EFTUD2: variants seen among roughly 807,000 people sequenced by gnomAD.
EFTUD2 encodes the protein 116 kDa U5 small nuclear ribonucleoprotein component.
Under a neutral mutation model 114.3 loss-of-function variants are expected in EFTUD2, and 9 were observed. The observed-to-expected ratio is 0.08, with a 90% CI of 0.05 to 0.14. The LOEUF (loss-of-function observed/expected upper bound fraction) is 0.14, where lower values mean the gene tolerates loss of function less well. Ranked by LOEUF, EFTUD2 falls within the 10% of genes least tolerant of loss-of-function variation. The pLI is 1.00. For synonymous variants in EFTUD2, 449 were observed against 462.3 expected (o/e 0.97, Z 0.37); for missense variants, 765 against 1,241.2 (o/e 0.62, Z 5.76).
intron 2 of EFTUD2, chr17:44,892,021 A>G (rs2051288651): frequency 6.6e-6 from 1 of 152,118 alleles, no homozygotes; most frequent in East Asian, 1.9e-4. Context: ...CAGCCTCCCA[A>G]AGTGCTGGGA....
chr17:44,859,469 C>T (rs966404306), intron 18 of EFTUD2: 4 of 525,008 alleles, frequency 7.6e-6, no homozygotes, highest in African/African-American at 5.7e-5. Context: ...CATAAGCTAG[C>T]CCTTTAGCCC....
intron 2 of EFTUD2, among the ~76,000 whole-genome samples, chr17:44,888,096 G>A (rs1424464049): frequency 2.0e-5 from 3 of 152,200 alleles, no homozygotes; most frequent in African/African-American, 7.2e-5. Context: ...CTAGTCGGCT[G>A]GTGAAACAGC....
intron 3 of EFTUD2, among the ~76,000 whole-genome samples, chr17:44,885,909 A>G (rs1325444432): frequency 6.6e-6 from 1 of 151,678 alleles, no homozygotes; most frequent in Non-Finnish European, 1.5e-5. Flanking sequence ...GATTACAGGC[A>G]TGAGCCACCG....
intron 1 of EFTUD2, 144 bp from the exon 2 acceptor site, chr17:44,894,669 C>T: frequency 1.5e-6 from 1 of 645,488 alleles, no homozygotes; most frequent in South Asian, 1.8e-5. Flanking sequence ...CTACTGAATG[C>T]TCCTCCCAAA....
chr17:44,852,074 C>T (rs1245538736), intron 26 of EFTUD2, among the ~76,000 whole-genome samples: 6 of 152,026 alleles, frequency 3.9e-5, no homozygotes, highest in Non-Finnish European at 7.4e-5. Context: ...TGCACCACCA[C>T]GCCTAGCTAA....
At chr17:44,858,763 A>G (rs1214025491) in intron 19 of EFTUD2, among the ~76,000 whole-genome samples, 5 of 151,672 alleles carry the variant, frequency 3.3e-5, no homozygotes, top group Admixed American at 3.3e-4. Context: ...TTTTATTTTA[A>G]TTTTTGTAGA....
chr17:44,880,811 G>A (rs1028787352), intron 7 of EFTUD2, among the ~76,000 whole-genome samples, 167 bp from the exon 8 acceptor site: 12 of 152,200 alleles, frequency 7.9e-5, no homozygotes, highest in Non-Finnish European at 1.5e-4. Flanking sequence ...ATATCTTGGT[G>A]TTAGACACCA....
At chr17:44,880,062 G>T (rs2051042553) in intron 8 of EFTUD2, among the ~76,000 whole-genome samples, 2 of 152,158 alleles carry the variant, frequency 1.3e-5, no homozygotes, top group Admixed American at 1.3e-4. Flanking sequence ...AGGACACTGG[G>T]CATCAGATGG....
At chr17:44,887,762 T>C (rs1597824678) in intron 2 of EFTUD2, among the ~76,000 whole-genome samples, 1 of 152,184 alleles carries the variant, frequency 6.6e-6, no homozygotes, top group Non-Finnish European at 1.5e-5. Flanking sequence ...GTGATGACAG[T>C]TGCATGACTC....
At chr17:44,881,475 C>T (rs942942275) in intron 7 of EFTUD2, among the ~76,000 whole-genome samples, 3 of 152,236 alleles carry the variant, frequency 2.0e-5, no homozygotes, top group African/African-American at 7.2e-5. Flanking sequence ...CAGGAGGGTT[C>T]CCCTCCTAAC....
Position 44,851,758 on chromosome 17 carries a change from T to C in EFTUD2, c.2775A>G (p.Pro925=), listed in dbSNP as rs779735245. The C allele has an allele frequency of 2.5e-6, 4 of 1,602,472 alleles. No individual in the cohort carries two copies. The highest frequency in any genetic ancestry group is 1.3e-5 in the African/African-American group (1 of 74,374). Residue 925 remains proline, a synonymous_variant, in exon 27 of 28, where the codon CCA becomes CCG. Coordinates refer to ENST00000426333, the MANE Select transcript of EFTUD2 (RefSeq NM_004247.4). ...TGAATTCCCGGGCCAGGTGAGGAGC[T>C]GGCTGTGGCTCCAAGGGGCGGATGA... The part of the protein sequence containing the change: ...SIVIRPLEPQ[P]APHLAREFMI...
At chr17:44,860,618 G>A in intron 16 of EFTUD2, 75 bp from the exon 17 acceptor site, 1 of 552,886 alleles carries the variant, frequency 1.8e-6, no homozygotes, top group Non-Finnish European at 2.8e-6. Context: ...TTTTTTTTTT[G>A]AGACAGGATC....
intron 4 of EFTUD2, among the ~76,000 whole-genome samples, chr17:44,884,564 C>T (rs1342203014): frequency 6.7e-6 from 1 of 150,346 alleles, no homozygotes; most frequent in African/African-American, 2.5e-5. Context: ...TGATCCTACA[C>T]ATATATCTAC....
chr17:44,856,997 T>A, intron 20 of EFTUD2, 78 bp downstream of exon 20: 1 of 1,209,422 alleles, frequency 8.3e-7, no homozygotes, highest in Admixed American at 1.7e-5. Context: ...GTGCTCATGG[T>A]GGGGGTAGAG....
chr17:44,854,884 C>T lies in EFTUD2; in HGVS notation c.2132+34G>A. 8.7e-6 allele frequency: 14 copies of T among 1,607,036 alleles called. No homozygotes were observed. Among genetic ancestry groups the T allele is most frequent in the Non-Finnish European group, 1.2e-5 (14 of 1,173,744 alleles). On this transcript the variant is annotated intron_variant, in intron 21 of 27. Coordinates refer to ENST00000426333, the MANE Select transcript of EFTUD2 (RefSeq NM_004247.4). This position sits in a 1 kb window ranked among gnomAD's most constrained non-coding sequence, Gnocchi z 4.3. ...CAGTTAAACTGTGGCATCCCTGCCT[C>T]CTTTCGACCCTGGCGTCAGAGCCCT...
chr17:44,850,218 G>A lies in EFTUD2; in HGVS notation c.*1056C>T, dbSNP rs548785218. ...TGGGACCTGGGGCAGAAAGATGAGC[G>A]GGAAGCTGGACTCTCAAGGGAGCAG... On this transcript the variant is annotated 3_prime_UTR_variant, in exon 28 of 28. Transcript: ENST00000426333. The A allele has an allele frequency of 2.9e-4, 205 of 717,934 alleles. No individual in the cohort carries two copies. Among genetic ancestry groups the A allele is most frequent in the East Asian group, 7.5e-4 (28 of 37,392 alleles). 44.5% of individuals were successfully genotyped at this position (717,934 alleles called of 1,614,324 possible). A position where few individuals can be genotyped will look rare whatever the true frequency, so the allele number is the denominator to read the frequency against.
At chr17:44,883,861 G>T in intron 4 of EFTUD2, 137 bp from the exon 5 acceptor site, 1 of 725,638 alleles carries the variant, frequency 1.4e-6, no homozygotes, top group Non-Finnish European at 2.5e-6. Context: ...AGATGTGAAT[G>T]TCTATACTTA....
At chr17:44,896,367 G>A (rs2051384920) in intron 1 of EFTUD2, among the ~76,000 whole-genome samples, 1 of 152,154 alleles carries the variant, frequency 6.6e-6, no homozygotes, top group Admixed American at 6.5e-5. Flanking sequence ...TAGTTAACTG[G>A]CTGGGCACAG....
At chr17:44,856,736 G>C (rs2050561181) in intron 20 of EFTUD2, among the ~76,000 whole-genome samples, 1 of 147,190 alleles carries the variant, frequency 6.8e-6, no homozygotes, top group African/African-American at 2.5e-5. Flanking sequence ...CCAGAAAGTT[G>C]AGGCTGCACT....
Sources: allele counts gnomAD v4.1 joint callset (sites outside exome capture counted in the v4.1 genomes callset), GRCh38; gene constraint gnomAD v4.1.1; non-coding constraint Gnocchi (gnomAD v3.1); transcripts MANE v1.5; gene names NCBI Gene and HGNC (gene_info 2026-07-23, HGNC 2026-07-21).